Variants in ATXN1 observed in about 807,000 individuals in gnomAD.
The protein encoded by ATXN1 is ataxin-1.
ATXN1 carries 8 observed loss-of-function variants against 56.4 expected under a neutral mutation model. The observed-to-expected ratio is 0.14, with a 90% confidence interval of 0.08 to 0.26. ATXN1 has a LOEUF of 0.26. Ranked by LOEUF, ATXN1 falls within the 10% of genes least tolerant of loss-of-function variation. The probability of loss-of-function intolerance (pLI) is 1.00; values close to 1 mark genes in which losing one functional copy is unlikely to be tolerated. For synonymous variants in ATXN1, 514 were observed against 494.6 expected, an observed-to-expected ratio of 1.04 and a Z score of -0.52; for missense variants, 987 against 1,106.5, an observed-to-expected ratio of 0.89 and a Z score of 1.53.
chr6:16,662,780 C>T (rs1286987418), intron 2 of ATXN1, among the ~76,000 whole-genome samples: 1 of 152,150 alleles, frequency 6.6e-6, no homozygotes, highest in African/African-American at 2.4e-5. Context: ...ATGGTTCTTC[C>T]ATTTCAGTCT....
At chr6:16,364,541 G>C (rs1301692493) in intron 6 of ATXN1, among the ~76,000 whole-genome samples, 1 of 152,116 alleles carries the variant, frequency 6.6e-6, no homozygotes, top group Non-Finnish European at 1.5e-5. Flanking sequence ...CTGACCTCGT[G>C]ATCTGCCCGC....
At chr6:16,323,086 A>G (rs1422748375) in intron 7 of ATXN1, among the ~76,000 whole-genome samples, 2 of 152,208 alleles carry the variant, frequency 1.3e-5, no homozygotes, top group Non-Finnish European at 2.9e-5. Context: ...AGAGAGATTT[A>G]GTGATCTCAC....
chr6:16,761,363 T>C lies in ATXN1; in HGVS notation c.-795A>G. 1 of 456,394 alleles carries C rather than the reference T, an allele frequency of 2.2e-6. No homozygotes were observed. The highest frequency in any genetic ancestry group is 4.4e-6 in the Non-Finnish European group (1 of 226,898). 28.3% of individuals were successfully genotyped at this position (456,394 alleles called of 1,614,324 possible). On this transcript the variant is annotated 5_prime_UTR_variant, in exon 1 of 8. Coordinates refer to ENST00000436367, the MANE Select transcript of ATXN1 (RefSeq NM_001128164.2). ...GGGCAGAGGGAGAGAAACAATGTCT[T>C]GCGGCTGCTGTTGCTCTGGCTGCTG...
At position 16,342,316 on chromosome 6, in the gene ATXN1, T is replaced by G. The variant is rs1228063194; in HGVS notation, c.-160-13846A>C. Among the ~76,000 whole-genome samples the G allele has an allele frequency of 2.6e-5, 4 of 151,792 alleles. No homozygotes were observed. The Middle Eastern group carries it at 0.014, about 520-fold the overall frequency. On this transcript the variant is annotated intron_variant, in intron 6 of 7. Transcript: ENST00000436367. ...CAATGAGACACCACTTCACACTCAT[T>G]AAGATGGACATTATATTCTTTTTTT...
At chr6:16,695,309 C>T (rs559330429) in intron 2 of ATXN1, among the ~76,000 whole-genome samples, 25 of 152,206 alleles carry the variant, frequency 1.6e-4, no homozygotes, top group Non-Finnish European at 3.4e-4. Context: ...CGTAATTTAT[C>T]ACTCTGTCTT....
chr6:16,442,133 C>T lies in ATXN1; in HGVS notation c.-161+43839G>A, dbSNP rs148232779. Among the ~76,000 whole-genome samples, 742 of 152,196 alleles carry T rather than the reference C, an allele frequency of 4.9e-3. 4 individuals are homozygous for T. Among genetic ancestry groups the T allele is most frequent in the African/African-American group, 0.015 (640 of 41,520 alleles). Reference sequence around the variant, plus strand: ...AGGGACAGAAAATTAGAGTGTCACCCGATTTTTCAAGAGCCAGGCTTCATG... The same window carrying T: ...AGGGACAGAAAATTAGAGTGTCACCTGATTTTTCAAGAGCCAGGCTTCATG... On this transcript the variant is annotated intron_variant, in intron 6 of 7. Coordinates refer to ENST00000436367, the MANE Select transcript of ATXN1 (RefSeq NM_001128164.2).
chr6:16,320,069 T>C (rs1760611468), intron 7 of ATXN1, among the ~76,000 whole-genome samples: 1 of 152,140 alleles, frequency 6.6e-6, no homozygotes, highest in Non-Finnish European at 1.5e-5. Flanking sequence ...AAGCTCGGCA[T>C]GTTCAATGTT....
At chr6:16,608,926 CCT>C (rs1179964902) in intron 3 of ATXN1, among the ~76,000 whole-genome samples, 1 of 152,090 alleles carries the variant, frequency 6.6e-6, no homozygotes, top group Admixed American at 6.6e-5. Flanking sequence ...GTAAATTTCC[CCT>C]CTCTGTCTTT....
At chr6:16,504,344 T>C (rs10081137) in intron 5 of ATXN1, among the ~76,000 whole-genome samples, 6,408 of 152,254 alleles carry the variant, frequency 0.042, 465 homozygotes, top group African/African-American at 0.14. Flanking sequence ...ACAGCCTGTA[T>C]ACAACACACA....
chr6:16,597,708 G>T (rs1561772102), intron 3 of ATXN1, among the ~76,000 whole-genome samples: 1 of 149,838 alleles, frequency 6.7e-6, no homozygotes, highest in Non-Finnish European at 1.5e-5. Flanking sequence ...CCAAGGTGCT[G>T]GGATTTGCAG....
chr6:16,348,188 T>C (rs995668315), intron 6 of ATXN1, among the ~76,000 whole-genome samples: 1 of 152,220 alleles, frequency 6.6e-6, no homozygotes, highest in Non-Finnish European at 1.5e-5. Context: ...CTCAGCTTCC[T>C]TAGTAGCTGG....
At chr6:16,742,932 C>A (rs1385293271) in intron 2 of ATXN1, among the ~76,000 whole-genome samples, 4 of 152,182 alleles carry the variant, frequency 2.6e-5, no homozygotes, top group African/African-American at 9.7e-5. Context: ...AAAAGTATCT[C>A]CTTGGGATAA....
chr6:16,535,602 A>G (rs1761581774), intron 4 of ATXN1, among the ~76,000 whole-genome samples: 1 of 152,240 alleles, frequency 6.6e-6, no homozygotes, highest in African/African-American at 2.4e-5. Flanking sequence ...GAAAACACGC[A>G]TCTCTTGAGC....
At chr6:16,618,192 T>A (rs1581298554) in intron 3 of ATXN1, among the ~76,000 whole-genome samples, 1 of 152,012 alleles carries the variant, frequency 6.6e-6, no homozygotes, top group Non-Finnish European at 1.5e-5. Flanking sequence ...ATGTTCTCAC[T>A]CATAAGTGGG....
intron 3 of ATXN1, among the ~76,000 whole-genome samples, chr6:16,589,633 T>G (rs1171896433): frequency 6.6e-6 from 1 of 152,154 alleles, no homozygotes; most frequent in Admixed American, 6.5e-5. Context: ...GAGAGTTAAC[T>G]AAGCTACATA....
chr6:16,541,572 T>C (rs1761714036), intron 4 of ATXN1, among the ~76,000 whole-genome samples: 1 of 152,206 alleles, frequency 6.6e-6, no homozygotes, highest in Non-Finnish European at 1.5e-5. Context: ...TCCCTAGAAC[T>C]GGACGCCTTT....
intron 2 of ATXN1, among the ~76,000 whole-genome samples, chr6:16,749,278 T>G (rs1434919505): frequency 1.3e-5 from 2 of 152,240 alleles, no homozygotes; most frequent in Non-Finnish European, 2.9e-5. Context: ...ACGCATATCA[T>G]GTGAGATGAA....
chr6:16,514,489 G>T (rs1341521873), intron 5 of ATXN1, among the ~76,000 whole-genome samples: 1 of 152,076 alleles, frequency 6.6e-6, no homozygotes, highest in African/African-American at 2.4e-5. Flanking sequence ...TTACTTTCTC[G>T]CCCACATTCA....
At chr6:16,738,081 C>T (rs1358242019) in intron 2 of ATXN1, 1 of 152,160 alleles carries the variant, frequency 6.6e-6, no homozygotes, top group Non-Finnish European at 1.5e-5. Context: ...TGGAAAACCT[C>T]AGAGTCTACT....
Sources: allele counts gnomAD v4.1 joint callset (sites outside exome capture counted in the v4.1 genomes callset), GRCh38; gene constraint gnomAD v4.1.1; transcripts MANE v1.5; gene names NCBI Gene and HGNC (gene_info 2026-07-23, HGNC 2026-07-21).